ADAMTSL1: variants seen among roughly 807,000 people sequenced by gnomAD.
ADAMTSL1 encodes the protein ADAMTS like 1.
In ADAMTSL1, 126 loss-of-function variants were observed where a neutral mutation model predicts 201.8. That is an observed-to-expected ratio of 0.62 (90% CI 0.54 to 0.72). The LOEUF (loss-of-function observed/expected upper bound fraction) is 0.72. Ranked by LOEUF, ADAMTSL1 falls within the 30% of genes least tolerant of loss-of-function variation. The pLI is 0.00. For synonymous variants in ADAMTSL1, 1,121 were observed against 903.4 expected (o/e 1.24, Z -4.32); for missense variants, 2,679 against 2,277.8 (o/e 1.18, Z -3.59).
intron 2 of ADAMTSL1, among the ~76,000 whole-genome samples, chr9:18,416,068 A>T (rs918809098): frequency 6.6e-6 from 1 of 152,108 alleles, no homozygotes; most frequent in Admixed American, 6.5e-5. Flanking sequence ...TCCAAGCAAA[A>T]TAAAAATTAT....
rs1360834809 is a variant in ADAMTSL1 at position 18,817,197 on chromosome 9, A to G, written c.3894A>G (p.Thr1298=). The G allele has an allele frequency of 6.4e-7, 1 of 1,566,304 alleles. No homozygotes were observed. Among genetic ancestry groups the G allele is most frequent in the East Asian group, 2.3e-5 (1 of 42,560 alleles). ...TCGATATAGGAAGCACCATCAAAACAGTGCAGGGAGTGAATGTGACAATCA... is the reference window on the plus strand; with the variant it reads ...TCGATATAGGAAGCACCATCAAAACGGTGCAGGGAGTGAATGTGACAATCA... ...VTVDIGSTIK[T]VQGVNVTINC... Residue 1298 remains threonine (T), a synonymous_variant, in exon 21 of 29, where the codon ACA becomes ACG. Coordinates refer to ENST00000380548, the MANE Select transcript of ADAMTSL1 (RefSeq NM_001040272.6).
intron 2 of ADAMTSL1, among the ~76,000 whole-genome samples, chr9:18,267,722 T>G (rs1832174765): frequency 6.9e-6 from 1 of 144,732 alleles, no homozygotes; most frequent in African/African-American, 2.6e-5. Flanking sequence ...AAAAGTGAAT[T>G]GTAAACCTTT....
At chr9:18,071,361 C>G (rs151263174) in intron 1 of ADAMTSL1, among the ~76,000 whole-genome samples, 1 of 152,170 alleles carries the variant, frequency 6.6e-6, no homozygotes, top group Non-Finnish European at 1.5e-5. Context: ...CTGTCTGTTC[C>G]TTATTCTATC....
chr9:18,122,030 G>A (rs1825522637), intron 1 of ADAMTSL1, among the ~76,000 whole-genome samples: 1 of 152,032 alleles, frequency 6.6e-6, no homozygotes, highest in Non-Finnish European at 1.5e-5. Context: ...TCCAGAATAG[G>A]CAAATAGGAA....
intron 1 of ADAMTSL1, among the ~76,000 whole-genome samples, chr9:18,038,842 C>G (rs1821315829): frequency 6.6e-6 from 1 of 152,206 alleles, no homozygotes; most frequent in African/African-American, 2.4e-5. Flanking sequence ...TACAGAGAGT[C>G]TATTGTGTAA....
chr9:18,254,304 A>G (rs1208911801), intron 2 of ADAMTSL1, among the ~76,000 whole-genome samples: 2 of 145,868 alleles, frequency 1.4e-5, no homozygotes, highest in African/African-American at 5.1e-5. Context: ...ATAGTATCTT[A>G]AACAGCCTCA....
intron 2 of ADAMTSL1, among the ~76,000 whole-genome samples, chr9:18,225,624 T>A (rs1466287523): frequency 1.3e-5 from 2 of 152,178 alleles, no homozygotes; most frequent in African/African-American, 4.8e-5. Flanking sequence ...CTGACTCTTT[T>A]AGATAACCTT....
At chr9:18,314,166 A>G (rs1041118555) in intron 2 of ADAMTSL1, among the ~76,000 whole-genome samples, 1 of 152,218 alleles carries the variant, frequency 6.6e-6, no homozygotes, top group African/African-American at 2.4e-5. Flanking sequence ...ATTATTATCA[A>G]AAAGACAAGA....
intron 2 of ADAMTSL1, among the ~76,000 whole-genome samples, chr9:18,388,882 G>A (rs1837924828): frequency 6.6e-6 from 1 of 151,734 alleles, no homozygotes; most frequent in South Asian, 2.1e-4. Flanking sequence ...TTAGCCTCCT[G>A]AGTAGCTGGG....
chr9:18,867,246 A>G (rs1827589152), intron 23 of ADAMTSL1, among the ~76,000 whole-genome samples: 1 of 152,278 alleles, frequency 6.6e-6, no homozygotes, highest in South Asian at 2.1e-4. Context: ...ACAGAGCTGC[A>G]TGAATGAAAG....
chr9:18,498,587 C>G (rs189394139), intron 1 of ADAMTSL1, among the ~76,000 whole-genome samples: 1 of 152,188 alleles, frequency 6.6e-6, no homozygotes, highest in Admixed American at 6.5e-5. Flanking sequence ...ATCCGCCCGC[C>G]TCGGCCTCCC....
intron 23 of ADAMTSL1, among the ~76,000 whole-genome samples, chr9:18,865,191 T>TC (rs545172795): frequency 6.6e-6 from 1 of 151,086 alleles, no homozygotes; most frequent in African/African-American, 2.4e-5. Flanking sequence ...CCCTCCCCGC[T>TC]CCCCCCACCC....
At chr9:18,758,434 G>A (rs928655515) in intron 16 of ADAMTSL1, among the ~76,000 whole-genome samples, 2 of 152,140 alleles carry the variant, frequency 1.3e-5, no homozygotes, top group Non-Finnish European at 2.9e-5. Context: ...TTATAGTTCT[G>A]GAGATCAGAA....
chr9:18,276,618 C>T (rs1832598436), intron 2 of ADAMTSL1, among the ~76,000 whole-genome samples: 2 of 152,194 alleles, frequency 1.3e-5, no homozygotes, highest in Admixed American at 1.3e-4. Context: ...AAGAAGCGTG[C>T]TGCCAGCACC....
chr9:18,037,647 T>G (rs1257212328), intron 1 of ADAMTSL1, among the ~76,000 whole-genome samples: 1 of 152,202 alleles, frequency 6.6e-6, no homozygotes, highest in East Asian at 1.9e-4. Context: ...AGATTTCAGA[T>G]AGCTCCTCTG....
At chr9:17,940,835 CTCG>C (rs1206488415) in intron 1 of ADAMTSL1, among the ~76,000 whole-genome samples, 7 of 86,558 alleles carry the variant, frequency 8.1e-5, no homozygotes, top group Admixed American at 3.0e-4. Context: ...GAAATAACGA[CTCG>C]TCATGTCTTT....
chr9:18,119,419 G>C (rs991215847), intron 1 of ADAMTSL1, among the ~76,000 whole-genome samples: 3 of 151,958 alleles, frequency 2.0e-5, no homozygotes, highest in African/African-American at 7.2e-5. Flanking sequence ...TCCTGCCTCA[G>C]CTTCCCAAGT....
At chr9:18,606,166 A>G (rs1352456506) in intron 4 of ADAMTSL1, among the ~76,000 whole-genome samples, 1 of 152,146 alleles carries the variant, frequency 6.6e-6, no homozygotes, top group Non-Finnish European at 1.5e-5. Flanking sequence ...AGTCATGCCA[A>G]CTGCTACTGG....
chr9:18,449,226 A>T (rs908127679), intron 2 of ADAMTSL1, among the ~76,000 whole-genome samples: 7 of 151,614 alleles, frequency 4.6e-5, no homozygotes, highest in Admixed American at 1.3e-4. Context: ...CTTAGTAATT[A>T]ATGATCAAAA....
Sources: gnomAD v4.1 joint callset for allele counts (sites outside exome capture counted in the v4.1 genomes callset) on GRCh38, gnomAD v4.1.1 for gene constraint, MANE v1.5 for transcripts, NCBI Gene and HGNC (gene_info 2026-07-23, HGNC 2026-07-21) for gene names.